XKR9: variants seen among roughly 807,000 people sequenced by gnomAD.
XKR9 encodes the protein XK related 9, also known as XK-related protein 9.
XKR9 carries 32 observed loss-of-function variants against 32.0 expected under a neutral mutation model. That is an observed-to-expected ratio of 1.00 (90% CI 0.76 to 1.34). XKR9 has a LOEUF of 1.34. XKR9 is among the 40% of genes most tolerant of loss of function. XKR9 has a pLI of 0.00. For missense variants in XKR9, 546 were observed against 429.7 expected, an observed-to-expected ratio of 1.27 and a Z score of -2.39; for synonymous variants, 168 against 143.4, an observed-to-expected ratio of 1.17 and a Z score of -1.22.
the XKR9 span, among the ~76,000 whole-genome samples, chr8:70,866,886 A>G: frequency 1.3e-5 from 2 of 152,140 alleles, no homozygotes; most frequent in Non-Finnish European, 2.9e-5. Context: ...TAACCTTACA[A>G]CATCTCTGTA....
At chr8:70,755,677 C>T (rs1329882977) in intron 2 of XKR9, among the ~76,000 whole-genome samples, 1 of 145,898 alleles carries the variant, frequency 6.9e-6, no homozygotes, top group Non-Finnish European at 1.5e-5. Flanking sequence ...CCAAACACCG[C>T]ATGTTCTCAC....
chr8:70,961,060 C>T, the XKR9 span, among the ~76,000 whole-genome samples: 5 of 152,120 alleles, frequency 3.3e-5, no homozygotes, highest in African/African-American at 9.7e-5. Context: ...ATCCCAGCTA[C>T]TTGGAAGGCT....
At chr8:70,842,895 C>G in the XKR9 span, among the ~76,000 whole-genome samples, 1 of 151,878 alleles carries the variant, frequency 6.6e-6, no homozygotes, top group African/African-American at 2.4e-5. Context: ...CCATTGCTGC[C>G]CTTCTGGGGT....
chr8:70,792,318 G>T (rs958798581), downstream of XKR9, among the ~76,000 whole-genome samples: 1 of 152,048 alleles, frequency 6.6e-6, no homozygotes, highest in African/African-American at 2.4e-5. Context: ...CAACAGTGGG[G>T]AAAGTTTTAG....
At chr8:70,962,760 A>G in the XKR9 span, among the ~76,000 whole-genome samples, 1 of 152,220 alleles carries the variant, frequency 6.6e-6, no homozygotes, top group Non-Finnish European at 1.5e-5. Context: ...TGATAGCTAC[A>G]GAAGCATTTG....
the XKR9 span, among the ~76,000 whole-genome samples, chr8:71,045,514 T>C: frequency 1.3e-5 from 2 of 152,220 alleles, no homozygotes; most frequent in Non-Finnish European, 2.9e-5. Flanking sequence ...AGAGAGCCTT[T>C]TCACTTTCTT....
chr8:70,999,141 T>C, the XKR9 span, among the ~76,000 whole-genome samples: 1 of 152,206 alleles, frequency 6.6e-6, no homozygotes, highest in Non-Finnish European at 1.5e-5. Flanking sequence ...ATAAAGAATA[T>C]TAATATATTA....
chr8:70,803,006 A>T, the XKR9 span, among the ~76,000 whole-genome samples: 3 of 152,158 alleles, frequency 2.0e-5, no homozygotes, highest in African/African-American at 7.2e-5. Flanking sequence ...TCCCTAGCGA[A>T]GTTGGGGAAA....
the XKR9 span, among the ~76,000 whole-genome samples, chr8:71,054,104 C>G: frequency 6.6e-6 from 1 of 151,882 alleles, no homozygotes; most frequent in African/African-American, 2.4e-5. Flanking sequence ...AGAAGTACCA[C>G]CCAGCTAAGC....
rs541233827 is a variant in XKR9, at chr8:70,772,812, C to G, written n.353-16527C>G. 3.9e-5 allele frequency among the ~76,000 whole-genome samples: 6 copies of G among 152,224 alleles called. No individual in the cohort carries two copies. In the East Asian group the frequency reaches 7.7e-4, roughly 20 times the overall value. On this transcript the variant is annotated intron_variant and non_coding_transcript_variant, in intron 2 of 3. Coordinates refer to the XKR9 transcript ENST00000520273. The stretch of plus-strand genomic sequence containing the variant: ...TGTTGCAAGTCTTTGCTTTTTAGGA[C>G]TTGCCAAATGTTTGTCTTCCCAATT...
the XKR9 span, among the ~76,000 whole-genome samples, chr8:70,796,207 C>T: frequency 6.6e-6 from 1 of 152,084 alleles, no homozygotes; most frequent in Non-Finnish European, 1.5e-5. Flanking sequence ...TCCTTACCAT[C>T]CTCTGTCCCT....
chr8:70,697,596 T>G (rs1341306607), intron 3 of XKR9, among the ~76,000 whole-genome samples: 26 of 149,328 alleles, frequency 1.7e-4, no homozygotes, highest in Non-Finnish European at 3.1e-4. Flanking sequence ...CAGTATTTTA[T>G]TGAGGATTTT....
chr8:70,880,551 A>G, the XKR9 span, among the ~76,000 whole-genome samples: 1 of 152,192 alleles, frequency 6.6e-6, no homozygotes, highest in African/African-American at 2.4e-5. Context: ...AATACCTAGG[A>G]ATCCAACTTA....
chr8:70,855,446 G>T, the XKR9 span, among the ~76,000 whole-genome samples: 1 of 152,070 alleles, frequency 6.6e-6, no homozygotes, highest in Non-Finnish European at 1.5e-5. Context: ...AAAAAGAAAT[G>T]AACAAAGCCT....
At chr8:70,902,585 C>T in the XKR9 span, among the ~76,000 whole-genome samples, 1 of 152,108 alleles carries the variant, frequency 6.6e-6, no homozygotes, top group East Asian at 1.9e-4. Context: ...AATATACAAT[C>T]ATGTCATTTG....
intron 3 of XKR9, among the ~76,000 whole-genome samples, chr8:70,685,412 A>G (rs550994768): frequency 0.3 from 41,487 of 138,838 alleles, 7,791 homozygotes; most frequent in Non-Finnish European, 0.42. Context: ...GAGTTAATGC[A>G]TGCAGCACAC....
chr8:70,752,381 C>A (rs1269739343), intron 2 of XKR9, among the ~76,000 whole-genome samples: 3 of 152,122 alleles, frequency 2.0e-5, no homozygotes, highest in Admixed American at 2.0e-4. Context: ...GATTGAGTGG[C>A]CACATCTCGT....
chr8:71,036,188 C>T, the XKR9 span, among the ~76,000 whole-genome samples: 7 of 152,194 alleles, frequency 4.6e-5, no homozygotes, highest in South Asian at 2.1e-4. Flanking sequence ...GAGTCTTAGC[C>T]GCAAACCTAG....
At chr8:70,817,339 G>T in the XKR9 span, among the ~76,000 whole-genome samples, 5 of 152,162 alleles carry the variant, frequency 3.3e-5, no homozygotes, top group South Asian at 1.0e-3. Context: ...TAATGTTCAA[G>T]TTGAGAGCCA....
Sources: gnomAD v4.1 joint callset for allele counts (sites outside exome capture counted in the v4.1 genomes callset) on GRCh38, gnomAD v4.1.1 for gene constraint, MANE v1.5 for transcripts, NCBI Gene and HGNC (gene_info 2026-07-23, HGNC 2026-07-21) for gene names.